Variants in RAP1GAP observed in about 807,000 individuals in gnomAD.
RAP1GAP encodes the protein RAP1 GTPase activating protein.
RAP1GAP carries 35 observed loss-of-function variants against 87.2 expected under a neutral mutation model. The observed-to-expected ratio is 0.40, with a 90% CI of 0.31 to 0.53. The LOEUF (loss-of-function observed/expected upper bound fraction) is 0.53, where lower values mean the gene tolerates loss of function less well. Among genes scored for constraint, RAP1GAP ranks in the 20% least tolerant of loss-of-function variants. The pLI is 0.48. For missense variants in RAP1GAP, 734 were observed against 898.9 expected, an observed-to-expected ratio of 0.82 and a Z score of 2.35; for synonymous variants, 375 against 363.9, an observed-to-expected ratio of 1.03 and a Z score of -0.35.
intron 1 of RAP1GAP, among the ~76,000 whole-genome samples, chr1:21,666,662 G>A (rs763478881): frequency 8.5e-5 from 13 of 152,100 alleles, no homozygotes; most frequent in African/African-American, 2.7e-4. Context: ...TCCCCTCCCC[G>A]GGTGATGAAG....
In RAP1GAP at chr1:21,597,746, T is replaced by TG. The variant is rs1645906794; in HGVS notation, c.1984-19dup. ...TAACAGCCCTGCAGACAGACAGTGG[T>TG]GGTGAGGCAGGTGGCAAGACGGGAG... On this transcript the variant is annotated intron_variant, in intron 23 of 24. Transcript: ENST00000374765. 1.9e-6 allele frequency: 3 copies of TG among 1,613,090 alleles called. No individual in the cohort carries two copies. In the South Asian group the frequency reaches 3.3e-5, roughly 18 times the overall value.
chr1:21,610,173 C>T lies in RAP1GAP; in HGVS notation c.946G>A (p.Ala316Thr). 3.1e-6 allele frequency: 5 copies of T among 1,614,164 alleles called. No individual in the cohort carries two copies. The highest frequency in any genetic ancestry group is 3.4e-6 in the Non-Finnish European group (4 of 1,180,018). The change falls in exon 14 of 25, where the codon GCC becomes ACC. Residue 316 changes from alanine (A) to threonine (T), a missense_variant. By Grantham distance (58) the Ala-to-Thr change is moderately conservative. Around this residue, in one of 2 missense-constraint regions of RAP1GAP, gnomAD observed 485 missense variants for 646.2 expected, o/e 0.75. Transcript: ENST00000374765. Reference sequence around the variant, plus strand: ...CCCTCAGCCTGCACCACGACGTAGGCATGCAGGAAGTTGGACGCGATCATG... The same window carrying T: ...CCCTCAGCCTGCACCACGACGTAGGTATGCAGGAAGTTGGACGCGATCATG... Reference protein sequence around the residue: ...PDMIASNFLHAYVVVQAEGGG... With the variant: ...PDMIASNFLHTYVVVQAEGGG...
chr1:21,607,189 C>T (rs1558642916), intron 17 of RAP1GAP, among the ~76,000 whole-genome samples: 1 of 152,194 alleles, frequency 6.6e-6, no homozygotes, highest in Non-Finnish European at 1.5e-5. Flanking sequence ...AAGGCTACCA[C>T]CTGGGGCCCT....
intron 4 of RAP1GAP, 50 bp downstream of exon 4, chr1:21,619,965 G>A (rs894108310): frequency 8.1e-6 from 13 of 1,605,840 alleles, no homozygotes; most frequent in Non-Finnish European, 1.0e-5. Context: ...CCCAGCCCCA[G>A]CCCAGCCAGC....
Position 21,659,275 on chromosome 1 carries a change from G to A in RAP1GAP, c.-148-9479C>T, listed in dbSNP as rs570365848. ...GCCGCGGTCTCGGGCGCCACCAATT[G>A]GCCGTCATAAGAACTGCAGGCGACG... On this transcript the variant is annotated intron_variant, in intron 1 of 24. Transcript: ENST00000374765. Among the ~76,000 whole-genome samples, 12 of 152,302 alleles carry A rather than the reference G, an allele frequency of 7.9e-5. No individual in the cohort carries two copies. The East Asian group carries it at 2.3e-3, about 29-fold the overall frequency.
At position 21,610,165 on chromosome 1, in the gene RAP1GAP, G is replaced by C. The variant is rs561575347; in HGVS notation, c.954C>G (p.Val318=). The C allele has an allele frequency of 6.2e-7, 1 of 1,614,020 alleles. No individual in the cohort carries two copies. The highest frequency in any genetic ancestry group is 1.7e-5 in the Admixed American group (1 of 60,004). ...MIASNFLHAY[V]VVQAEGGGPD... ...GGCCCCCGCCCTCAGCCTGCACCACGACGTAGGCATGCAGGAAGTTGGACG... is the reference window on the plus strand; with the variant it reads ...GGCCCCCGCCCTCAGCCTGCACCACCACGTAGGCATGCAGGAAGTTGGACG... The change falls in exon 14 of 25, where the codon GTC becomes GTG. Residue 318 remains valine (V), a synonymous_variant. Coordinates refer to ENST00000374765, the MANE Select transcript of RAP1GAP (RefSeq NM_002885.4).
At chr1:21,657,193 T>C (rs769687903) in intron 1 of RAP1GAP, among the ~76,000 whole-genome samples, 1 of 152,184 alleles carries the variant, frequency 6.6e-6, no homozygotes, top group Non-Finnish European at 1.5e-5. Context: ...CAGGCTCACA[T>C]GAACATCAGC....
At position 21,668,180 on chromosome 1, in the gene RAP1GAP, G is replaced by A. The variant is rs1302653962; in HGVS notation, c.-149+1074C>T. 6.6e-6 allele frequency among the ~76,000 whole-genome samples: 1 copy of A among 152,196 alleles called. No homozygotes were observed. Among genetic ancestry groups the A allele is most frequent in the African/African-American group, 2.4e-5 (1 of 41,444 alleles). ...AGGGACCACTACCTGTGCAGGGGGG[G>A]CCAGGAGCCTCCTGAGAGCCTCATA... On this transcript the variant is annotated intron_variant, in intron 1 of 24. Coordinates refer to ENST00000374765, the MANE Select transcript of RAP1GAP (RefSeq NM_002885.4). This position sits in a 1 kb window ranked among gnomAD's most constrained non-coding sequence, Gnocchi z 6.2.
At chr1:21,605,391 A>G (rs542548268) in intron 18 of RAP1GAP, among the ~76,000 whole-genome samples, 48 of 152,324 alleles carry the variant, frequency 3.2e-4, no homozygotes, top group Admixed American at 5.2e-4. Context: ...TTCCTGACAC[A>G]CAGTAGGTGT....
intron 2 of RAP1GAP, among the ~76,000 whole-genome samples, chr1:21,638,024 G>A (rs907636797): frequency 1.3e-5 from 2 of 148,376 alleles, no homozygotes; most frequent in Non-Finnish European, 3.0e-5. Flanking sequence ...GGTGGTGCAT[G>A]CCTGTAGTCC....
At chr1:21,663,920 G>A (rs1324648976) in intron 1 of RAP1GAP, among the ~76,000 whole-genome samples, 1 of 152,180 alleles carries the variant, frequency 6.6e-6, no homozygotes, top group Non-Finnish European at 1.5e-5. Context: ...AAGAAATACT[G>A]CAATTCCCCC....
At chr1:21,653,576 C>CTTCCTTCT (rs2096725727) in intron 1 of RAP1GAP, among the ~76,000 whole-genome samples, 3 of 133,966 alleles carry the variant, frequency 2.2e-5, no homozygotes, top group East Asian at 4.1e-4. Context: ...TCCTTCCTTC[C>CTTCCTTCT]TTCCTTCCTT....
In RAP1GAP at chr1:21,613,070, G is replaced by A. The variant is rs150327174; in HGVS notation, c.528+106C>T. On this transcript the variant is annotated intron_variant, in intron 10 of 24. Coordinates refer to ENST00000374765, the MANE Select transcript of RAP1GAP (RefSeq NM_002885.4). This position sits in a 1 kb window ranked among gnomAD's most constrained non-coding sequence, Gnocchi z 4.7. ...CACAGGGTTATTGTGAGGATTAAATGAGAGAACCTTGGGAAAGTATCTGGC... is the reference window on the plus strand; with the variant it reads ...CACAGGGTTATTGTGAGGATTAAATAAGAGAACCTTGGGAAAGTATCTGGC... 8.1e-7 allele frequency: 1 copy of A among 1,240,350 alleles called. No individual in the cohort carries two copies. The highest frequency in any genetic ancestry group is 2.4e-5 in the East Asian group (1 of 41,022). 76.8% of individuals were successfully genotyped at this position (1,240,350 alleles called of 1,614,324 possible).
Position 21,598,066 on chromosome 1 carries a change from TG to T in RAP1GAP, c.1880-3del, listed in dbSNP as rs762474006. The stretch of plus-strand genomic sequence containing the variant: ...CTGGGTGGGGTGATCGAGAGGGGCC[TG>T]GGGAGGGGGGCAGGAGGGAGCCACC... On this transcript the variant is annotated splice_region_variant and splice_polypyrimidine_tract_variant and intron_variant, in intron 22 of 24. Transcript: ENST00000374765. 5 of 1,019,578 alleles carry T rather than the reference TG, an allele frequency of 4.9e-6. No homozygotes were observed. The Admixed American group carries it at 6.8e-5, about 14-fold the overall frequency. The allele number at this position is 1,019,578 out of a possible 1,614,324, so 63.2% of individuals were successfully genotyped here. A position where few individuals can be genotyped will look rare whatever the true frequency, so the allele number is the denominator to read the frequency against.
chr1:21,623,788 C>A (rs1382861119), intron 3 of RAP1GAP, among the ~76,000 whole-genome samples: 1 of 152,242 alleles, frequency 6.6e-6, no homozygotes, highest in East Asian at 1.9e-4. Flanking sequence ...GGGCACCCAT[C>A]GAAATCCAGC....
intron 3 of RAP1GAP, among the ~76,000 whole-genome samples, chr1:21,620,885 C>T (rs1286113338): frequency 6.6e-6 from 1 of 152,126 alleles, no homozygotes; most frequent in Non-Finnish European, 1.5e-5. Context: ...CTTTCTCCCT[C>T]CCCTCCTGCT....
At position 21,669,193 on chromosome 1, in the gene RAP1GAP, G is replaced by A. The variant is rs373415120; in HGVS notation, c.-149+61C>T. The A allele has an allele frequency of 0.01, 13,005 of 1,240,500 alleles. 89 individuals carry two copies. The highest frequency in any genetic ancestry group is 0.017 in the South Asian group (1,301 of 76,484). 76.8% of individuals were successfully genotyped at this position (1,240,500 alleles called of 1,614,324 possible). A position where few individuals can be genotyped will look rare whatever the true frequency, so the allele number is the denominator to read the frequency against. ...GGGTCTTCGCTGCGAGCCGACGGGA[G>A]TCTGGACACCTCTGTCCCCTTCCCC... On this transcript the variant is annotated intron_variant, in intron 1 of 24. Coordinates refer to ENST00000374765, the MANE Select transcript of RAP1GAP (RefSeq NM_002885.4). The surrounding 1 kb of genome is among the most constrained non-coding windows in gnomAD (Gnocchi z 5.6).
Position 21,610,190 on chromosome 1 carries a change from G to T in RAP1GAP, c.929C>A (p.Ala310Glu). The change falls in exon 14 of 25, where the codon GCG (alanine) becomes GAG (glutamate). Residue 310 changes from alanine to glutamate, a missense_variant. Coordinates refer to ENST00000374765, the MANE Select transcript of RAP1GAP (RefSeq NM_002885.4). ...ENTPFVPDMI[A>E]SNFLHAYVVV... ...GACGTAGGCATGCAGGAAGTTGGAC[G>T]CGATCATGTCGGGCACGAAAGGAGT... is the stretch of plus-strand genomic sequence containing the variant. The T allele has an allele frequency of 6.2e-7, 1 of 1,614,190 alleles. No homozygotes were observed. Among genetic ancestry groups the T allele is most frequent in the Non-Finnish European group, 8.5e-7 (1 of 1,180,038 alleles).
chr1:21,619,184 G>C, intron 4 of RAP1GAP, 112 bp from the exon 5 acceptor site: 1 of 1,134,626 alleles, frequency 8.8e-7, no homozygotes, highest in Admixed American at 2.1e-5. Flanking sequence ...CGAAGGTAGG[G>C]GTACTCCCAG....
Sources: allele counts gnomAD v4.1 joint callset (sites outside exome capture counted in the v4.1 genomes callset), GRCh38; gene constraint gnomAD v4.1.1; regional missense constraint gnomAD v4.1.1; non-coding constraint Gnocchi (gnomAD v3.1); transcripts MANE v1.5; gene names NCBI Gene and HGNC (gene_info 2026-07-23, HGNC 2026-07-21).